The following ADARB2 variants were observed in gnomAD, a reference collection of about 807,000 sequenced individuals.
ADARB2 encodes the protein inactive double-stranded RNA-specific editase B2.
In ADARB2, 25 loss-of-function variants were observed where a neutral mutation model predicts 62.2. The ratio of observed to expected loss-of-function variants is 0.40; its 90% CI spans 0.29 to 0.56. The LOEUF (loss-of-function observed/expected upper bound fraction) is 0.56. Ranked by LOEUF, ADARB2 falls within the 20% of genes least tolerant of loss-of-function variation. ADARB2 has a pLI of 0.43. For missense variants in ADARB2, 1,071 were observed against 1,077.4 expected, an observed-to-expected ratio of 0.99 and a Z score of 0.08; for synonymous variants, 572 against 500.8, an observed-to-expected ratio of 1.14 and a Z score of -1.90.
intron 1 of ADARB2, among the ~76,000 whole-genome samples, chr10:1,550,897 G>C (rs777763538): frequency 5.9e-5 from 9 of 152,078 alleles, no homozygotes; most frequent in Non-Finnish European, 1.3e-4. Flanking sequence ...CAGGAAGAAT[G>C]GTGTGGAGTT....
intron 3 of ADARB2, among the ~76,000 whole-genome samples, chr10:1,279,593 G>A (rs532311649): frequency 1.8e-4 from 28 of 152,340 alleles, no homozygotes; most frequent in Middle Eastern, 6.8e-3. Context: ...TGGGATTACA[G>A]GTGTGAGTCA....
At chr10:1,387,835 T>C (rs186213430) in intron 1 of ADARB2, among the ~76,000 whole-genome samples, 175 of 152,142 alleles carry the variant, frequency 1.2e-3, no homozygotes, top group Admixed American at 2.5e-3. Flanking sequence ...CACGAGCAGA[T>C]GAGTTTTTAA....
chr10:1,415,087 G>A (rs1832790998), intron 1 of ADARB2, among the ~76,000 whole-genome samples: 1 of 151,918 alleles, frequency 6.6e-6, no homozygotes, highest in African/African-American at 2.4e-5. Context: ...ATGGATGGTG[G>A]ACCAATGGAT....
At chr10:1,556,915 C>A (rs374901729) in intron 1 of ADARB2, 2 of 465,610 alleles carry the variant, frequency 4.3e-6, no homozygotes, top group Non-Finnish European at 9.0e-6. Context: ...ATTCCTATCA[C>A]TATTTTTGGT....
In ADARB2 at chr10:1,529,255, G is replaced by A. The variant is rs567078645; in HGVS notation, c.101-150095C>T. Among the ~76,000 whole-genome samples, 4 of 129,762 alleles carry A rather than the reference G, an allele frequency of 3.1e-5. 1 individual carries two copies. In the East Asian group the frequency reaches 1.4e-3, roughly 44 times the overall value. 85.1% of individuals were successfully genotyped at this position (129,762 alleles called of 152,430 possible). On this transcript the variant is annotated intron_variant, in intron 1 of 9. Transcript: ENST00000381312. The stretch of plus-strand genomic sequence containing the variant: ...AACACAAATCCTCCAATCAGTCCAC[G>A]CACCATGCCCAACACCAATCCTCCA...
intron 1 of ADARB2, among the ~76,000 whole-genome samples, chr10:1,630,304 A>G (rs1833826693): frequency 6.6e-6 from 1 of 152,174 alleles, no homozygotes; most frequent in African/African-American, 2.4e-5. Context: ...TCGTGCAGGT[A>G]ACAGGATAAT....
At chr10:1,403,410 G>A (rs1272563806) in intron 1 of ADARB2, among the ~76,000 whole-genome samples, 1 of 152,202 alleles carries the variant, frequency 6.6e-6, no homozygotes, top group East Asian at 1.9e-4. Context: ...GCAAGGCTAA[G>A]CTTGGTCCTG....
intron 1 of ADARB2, among the ~76,000 whole-genome samples, chr10:1,457,580 T>C (rs981027078): frequency 6.6e-6 from 1 of 152,220 alleles, no homozygotes; most frequent in African/African-American, 2.4e-5. Context: ...GCTTCAGAGC[T>C]GAGCCACGCA....
rs142822123 is a variant in ADARB2 at position 1,311,373 on chromosome 10, C to T, written c.1078-40304G>A. On this transcript the variant is annotated intron_variant, in intron 3 of 9. Coordinates refer to ENST00000381312, the MANE Select transcript of ADARB2 (RefSeq NM_018702.4). ...AAGGCTTTCCAGGAGCAGGGAATGGCTGGGGCCCATGTGAAGCGTCTCCTG... is the reference window on the plus strand; with the variant it reads ...AAGGCTTTCCAGGAGCAGGGAATGGTTGGGGCCCATGTGAAGCGTCTCCTG... 8.5e-5 allele frequency among the ~76,000 whole-genome samples: 13 copies of T among 152,246 alleles called. 1 individual carries two copies. Among genetic ancestry groups the T allele is most frequent in the Admixed American group, 3.3e-4 (5 of 15,294 alleles).
chr10:1,400,701 C>G (rs111601126), intron 1 of ADARB2, among the ~76,000 whole-genome samples: 1 of 152,112 alleles, frequency 6.6e-6, no homozygotes, highest in Non-Finnish European at 1.5e-5. Context: ...GGCTGGTGCC[C>G]GGGACGAGAT....
At chr10:1,468,411 G>A (rs187525791) in intron 1 of ADARB2, among the ~76,000 whole-genome samples, 8 of 152,314 alleles carry the variant, frequency 5.3e-5, no homozygotes, top group East Asian at 1.9e-4. Flanking sequence ...GTAGTGTGGC[G>A]TCAACGGGGA....
chr10:1,285,707 T>C (rs903238478), intron 3 of ADARB2, among the ~76,000 whole-genome samples: 12 of 152,182 alleles, frequency 7.9e-5, no homozygotes, highest in African/African-American at 2.7e-4. Context: ...CCATGGCAAA[T>C]TACCAGCATT....
At chr10:1,727,147 A>G (rs1564205984) in intron 1 of ADARB2, among the ~76,000 whole-genome samples, 1 of 152,306 alleles carries the variant, frequency 6.6e-6, no homozygotes, top group East Asian at 1.9e-4. Context: ...CTGATAATAA[A>G]TTCTACAACA....
At chr10:1,718,748 G>A (rs1835053361) in intron 1 of ADARB2, among the ~76,000 whole-genome samples, 1 of 152,026 alleles carries the variant, frequency 6.6e-6, no homozygotes, top group African/African-American at 2.4e-5. Context: ...TTGTGTTTCT[G>A]ACTCTGCCCT....
chr10:1,606,320 G>T (rs3892902), intron 1 of ADARB2, among the ~76,000 whole-genome samples: 2 of 151,724 alleles, frequency 1.3e-5, no homozygotes, highest in East Asian at 2.0e-4. Context: ...AAACCTGAGC[G>T]GGGGGGAGCA....
chr10:1,291,019 T>A (rs1310587732), intron 3 of ADARB2: 1 of 152,232 alleles, frequency 6.6e-6, no homozygotes, highest in Non-Finnish European at 1.5e-5. Context: ...CATGGTTATT[T>A]GCATTCATCT....
chr10:1,474,424 G>A lies in ADARB2; in HGVS notation c.101-95264C>T, dbSNP rs537893449. On this transcript the variant is annotated intron_variant, in intron 1 of 9. Coordinates refer to ENST00000381312, the MANE Select transcript of ADARB2 (RefSeq NM_018702.4). ...GCCCGGTCTACATTGGGGGTCAGTG[G>A]GTCTTCAGAAAGACTGATGGACACA... Among the ~76,000 whole-genome samples the A allele has an allele frequency of 2.0e-5, 3 of 152,286 alleles. No individual in the cohort carries two copies. In the South Asian group the frequency reaches 6.2e-4, roughly 32 times the overall value.
At chr10:1,549,791 G>A (rs145784633) in intron 1 of ADARB2, among the ~76,000 whole-genome samples, 59 of 152,248 alleles carry the variant, frequency 3.9e-4, no homozygotes, top group African/African-American at 1.1e-3. Context: ...CTGTTCAAGC[G>A]TGGGAACCAC....
At chr10:1,725,130 C>G (rs1296068176) in intron 1 of ADARB2, among the ~76,000 whole-genome samples, 5 of 152,200 alleles carry the variant, frequency 3.3e-5, no homozygotes, top group Admixed American at 2.6e-4. Context: ...ACCAGATGAA[C>G]CTGCCAGGAC....
Sources: allele counts gnomAD v4.1 joint callset (sites outside exome capture counted in the v4.1 genomes callset), GRCh38; gene constraint gnomAD v4.1.1; transcripts MANE v1.5; gene names NCBI Gene and HGNC (gene_info 2026-07-23, HGNC 2026-07-21).